CCND3: variants seen among roughly 807,000 people sequenced by gnomAD.
CCND3 encodes cyclin D3, also known as G1/S-specific cyclin-D3.
In CCND3, 9 loss-of-function variants were observed where a neutral mutation model predicts 28.7. That is an observed-to-expected ratio of 0.31 (90% CI 0.19 to 0.55). The LOEUF (loss-of-function observed/expected upper bound fraction) is 0.55. Ranked by LOEUF, CCND3 falls within the 20% of genes least tolerant of loss-of-function variation. The pLI is 0.93. For missense variants in CCND3, 315 were observed against 385.8 expected (o/e 0.82, Z 1.54); for synonymous variants, 164 against 163.9 (o/e 1.00, Z 0.00).
At position 41,957,830 on chromosome 6, in the gene CCND3, C is replaced by G. The variant is rs558291827; in HGVS notation, c.-45-17245G>C. 4.6e-5 allele frequency among the ~76,000 whole-genome samples: 7 copies of G among 152,062 alleles called. 1 individual carries two copies. The South Asian group carries it at 1.5e-3, about 32-fold the overall frequency. On this transcript the variant is annotated intron_variant, in intron 1 of 4. Coordinates refer to the CCND3 transcript ENST00000372988. ...GATTCCTCTCATTGTAGGTTATTTGCTTTTTCATTTCTATTTATTTTTGTT... is the reference window on the plus strand; with the variant it reads ...GATTCCTCTCATTGTAGGTTATTTGGTTTTTCATTTCTATTTATTTTTGTT...
intron 1 of CCND3, among the ~76,000 whole-genome samples, chr6:41,952,976 A>G (rs2127400611): frequency 6.6e-6 from 1 of 152,328 alleles, no homozygotes; most frequent in East Asian, 1.9e-4. Flanking sequence ...TGGAAGACAA[A>G]TAAAACTGCA....
intron 1 of CCND3, among the ~76,000 whole-genome samples, chr6:42,042,580 G>T (rs1463764000): frequency 6.6e-6 from 1 of 152,050 alleles, no homozygotes; most frequent in African/African-American, 2.4e-5. Flanking sequence ...GGGTGGTCTC[G>T]AACTCCTGGC....
intron 1 of CCND3, among the ~76,000 whole-genome samples, chr6:41,971,267 G>C (rs116367478): frequency 0.015 from 2,308 of 152,158 alleles, 42 homozygotes; most frequent in South Asian, 0.072. Flanking sequence ...AGTGGCTCTA[G>C]ATGATAAGTA....
At chr6:41,996,839 A>G (rs1267030411) in intron 1 of CCND3, among the ~76,000 whole-genome samples, 1 of 151,716 alleles carries the variant, frequency 6.6e-6, no homozygotes, top group Non-Finnish European at 1.5e-5. Context: ...TAATTTTTGT[A>G]TTTTTAGTAG....
chr6:42,002,030 A>G (rs4714540), intron 1 of CCND3, among the ~76,000 whole-genome samples: 148,571 of 151,624 alleles, frequency 0.98, 72,856 homozygotes, highest in East Asian at 1. Context: ...CAGGGGAATC[A>G]CTTGAACCTG....
At chr6:42,011,256 C>A (rs1358693760) in intron 1 of CCND3, among the ~76,000 whole-genome samples, 2 of 152,086 alleles carry the variant, frequency 1.3e-5, no homozygotes, top group East Asian at 1.9e-4. Context: ...TAGCTAGGAC[C>A]ACAGCAAGTA....
rs1210089587 is a variant in CCND3 at position 42,048,890 on chromosome 6, TAGGTGC to T, written c.-441_-436del. The T allele has an allele frequency of 3.4e-6, 1 of 291,532 alleles. No homozygotes were observed. The highest frequency in any genetic ancestry group is 6.5e-6 in the Non-Finnish European group (1 of 153,202). The allele number at this position is 291,532 out of a possible 1,614,324, so 18.1% of individuals were successfully genotyped here. A position where few individuals can be genotyped will look rare whatever the true frequency, so the allele number is the denominator to read the frequency against. On this transcript the variant is annotated 5_prime_UTR_variant, in exon 1 of 5. Transcript: ENST00000372988. The surrounding 1 kb of genome is among the most constrained non-coding windows in gnomAD (Gnocchi z 4.7). ...CCCGCAGCCCCCGCCCCACGCGGCA[TAGGTGC>T]GGGGGCGGGGCGCCACGGAGGCTCA...
chr6:41,948,023 G>C (rs962522435), intron 1 of CCND3, among the ~76,000 whole-genome samples: 2 of 152,096 alleles, frequency 1.3e-5, no homozygotes, highest in Non-Finnish European at 2.9e-5. Flanking sequence ...CTTTGCACGT[G>C]CTGTTCCATC....
chr6:42,026,106 A>G (rs991615389), intron 1 of CCND3, among the ~76,000 whole-genome samples: 5 of 152,100 alleles, frequency 3.3e-5, no homozygotes, highest in African/African-American at 9.7e-5. Context: ...GCTATCTGTC[A>G]ATTGTTAGGT....
At chr6:42,023,274 C>T (rs1308681763) in intron 1 of CCND3, among the ~76,000 whole-genome samples, 1 of 152,110 alleles carries the variant, frequency 6.6e-6, no homozygotes, top group Non-Finnish European at 1.5e-5. Flanking sequence ...TTGAAATGGC[C>T]CCCGAGCCTA....
Position 41,935,859 on chromosome 6 carries a change from G to T in CCND3, c.*81C>A. ...CAGACGCCCCTTCAGGCTTAGATGT[G>T]GTGTGGTTCCTGGAGGCAGGGAGGT... On this transcript the variant is annotated 3_prime_UTR_variant, in exon 5 of 5. Coordinates refer to ENST00000372991, the MANE Select transcript of CCND3 (RefSeq NM_001760.5). 1.5e-6 allele frequency: 2 copies of T among 1,302,206 alleles called. No homozygotes were observed. The highest frequency in any genetic ancestry group is 2.2e-6 in the Non-Finnish European group (2 of 922,758). 80.7% of individuals were successfully genotyped at this position (1,302,206 alleles called of 1,614,324 possible). A position where few individuals can be genotyped will look rare whatever the true frequency, so the allele number is the denominator to read the frequency against.
chr6:41,971,648 TCTC>T, intron 1 of CCND3, among the ~76,000 whole-genome samples: 2 of 151,066 alleles, frequency 1.3e-5, no homozygotes, highest in South Asian at 4.2e-4. Context: ...TTCAAGCAAT[TCTC>T]CTGCCTCAGC....
intron 1 of CCND3, among the ~76,000 whole-genome samples, chr6:42,007,415 C>T (rs1763208060): frequency 6.6e-6 from 1 of 152,168 alleles, no homozygotes; most frequent in Non-Finnish European, 1.5e-5. Context: ...TAGTCAAGGA[C>T]TGAGCAGAGG....
chr6:41,980,792 G>A (rs765987837), intron 1 of CCND3, among the ~76,000 whole-genome samples: 3 of 152,104 alleles, frequency 2.0e-5, no homozygotes, highest in Non-Finnish European at 2.9e-5. Context: ...ACATGATCTC[G>A]TCAAGAGATG....
At chr6:42,024,402 C>CA (rs35756902) in intron 1 of CCND3, among the ~76,000 whole-genome samples, 47,536 of 125,456 alleles carry the variant, frequency 0.38, 8,654 homozygotes, top group Admixed American at 0.41. Context: ...GACTCAGTCT[C>CA]AAAAAAAAAA....
rs1260028963 is a variant in CCND3 at position 41,938,971 on chromosome 6, G to A, written c.414+1399C>T. 1.3e-5 allele frequency among the ~76,000 whole-genome samples: 2 copies of A among 152,054 alleles called. No individual in the cohort carries two copies. The highest frequency in any genetic ancestry group is 2.9e-5 in the Non-Finnish European group (2 of 67,994). ...GGGAAGAGTACTTTTTGCCTGTACT[G>A]AAAAACCCTCATACGTGGGCACACA... On this transcript the variant is annotated intron_variant, in intron 2 of 4. Transcript: ENST00000372991. This position sits in a 1 kb window ranked among gnomAD's most constrained non-coding sequence, Gnocchi z 4.6.
chr6:41,977,259 G>A (rs372351547), intron 1 of CCND3, among the ~76,000 whole-genome samples: 22 of 152,168 alleles, frequency 1.4e-4, no homozygotes, highest in African/African-American at 4.8e-4. Context: ...TTGTTGCCAA[G>A]TAAGGTTATG....
In CCND3 at chr6:42,048,857, CA is replaced by C; in HGVS notation, c.-403del. On this transcript the variant is annotated 5_prime_UTR_variant, in exon 1 of 5. Transcript: ENST00000372988. This position sits in a 1 kb window ranked among gnomAD's most constrained non-coding sequence, Gnocchi z 4.7. ...GCCAGGAGGCTCATCCGGCGCCGCG[CA>C]CCCCCGCCCGCAGCCCCCGCCCCAC... The C allele has an allele frequency of 1.9e-5, 6 of 313,750 alleles. No homozygotes were observed. The highest frequency in any genetic ancestry group is 1.5e-4 in the South Asian group (6 of 41,234). 19.4% of individuals were successfully genotyped at this position (313,750 alleles called of 1,614,324 possible).
chr6:42,007,688 T>C (rs1763216075), intron 1 of CCND3, among the ~76,000 whole-genome samples: 1 of 152,166 alleles, frequency 6.6e-6, no homozygotes, highest in African/African-American at 2.4e-5. Flanking sequence ...AAAATAGCAT[T>C]TGTGCAGATT....
Sources: allele counts gnomAD v4.1 joint callset (sites outside exome capture counted in the v4.1 genomes callset), GRCh38; gene constraint gnomAD v4.1.1; non-coding constraint Gnocchi (gnomAD v3.1); transcripts MANE v1.5; gene names NCBI Gene and HGNC (gene_info 2026-07-23, HGNC 2026-07-21).